The following MILR1 variants were observed in gnomAD, a reference collection of about 807,000 sequenced individuals.
The protein encoded by MILR1 is allergin-1.
Under a neutral mutation model 18.5 loss-of-function variants are expected in MILR1, and 31 were observed. That is an observed-to-expected ratio of 1.68 (90% CI 1.26 to 2.26). The LOEUF (loss-of-function observed/expected upper bound fraction) is 2.26, where lower values mean the gene tolerates loss of function less well. Ranked by LOEUF, MILR1 falls within the 30% of genes most tolerant of loss-of-function variation. The pLI is 0.00. For missense variants in MILR1, 257 were observed against 157.4 expected, an observed-to-expected ratio of 1.63 and a Z score of -3.38; for synonymous variants, 85 against 56.2, an observed-to-expected ratio of 1.51 and a Z score of -2.30.
intron 5 of MILR1, among the ~76,000 whole-genome samples, chr17:64,462,123 G>A (rs1301553246): frequency 6.6e-6 from 1 of 152,136 alleles, no homozygotes; most frequent in South Asian, 2.1e-4. Context: ...TCGTATGACT[G>A]CTTGTGAAAG....
chr17:64,455,347 A>G (rs2037267427), intron 3 of MILR1, among the ~76,000 whole-genome samples: 2 of 152,202 alleles, frequency 1.3e-5, no homozygotes, highest in African/African-American at 4.8e-5. Flanking sequence ...AAGCAATTGT[A>G]CTACTGGGTT....
At chr17:64,456,132 C>T (rs1189205727) in intron 3 of MILR1, among the ~76,000 whole-genome samples, 1 of 152,004 alleles carries the variant, frequency 6.6e-6, no homozygotes, top group African/African-American at 2.4e-5. Flanking sequence ...AGCTGTGTGA[C>T]CTTGGGCAAA....
the MILR1 span, among the ~76,000 whole-genome samples, chr17:64,497,348 T>G: frequency 6.6e-6 from 1 of 152,264 alleles, no homozygotes; most frequent in Non-Finnish European, 1.5e-5. Flanking sequence ...TACTTCAGTA[T>G]TATCCAAATC....
chr17:64,469,515 A>G (rs2037654766), downstream of MILR1, among the ~76,000 whole-genome samples: 1 of 152,164 alleles, frequency 6.6e-6, no homozygotes, highest in Non-Finnish European at 1.5e-5. Flanking sequence ...CTCCTGCCTC[A>G]GCCTCTCAAG....
At chr17:64,464,872 G>A (rs1050336479) in intron 5 of MILR1, among the ~76,000 whole-genome samples, 13 of 149,776 alleles carry the variant, frequency 8.7e-5, no homozygotes, top group Non-Finnish European at 1.2e-4. Flanking sequence ...TGCGGTGAGC[G>A]GAGATTGCAC....
At chr17:64,478,279 G>A in the MILR1 span, among the ~76,000 whole-genome samples, 3 of 151,186 alleles carry the variant, frequency 2.0e-5, no homozygotes, top group African/African-American at 7.4e-5. Context: ...CAGAAGAACC[G>A]CATAATAACC....
downstream of MILR1, among the ~76,000 whole-genome samples, chr17:64,471,842 T>C (rs1027181311): frequency 2.6e-5 from 4 of 152,232 alleles, no homozygotes; most frequent in Non-Finnish European, 5.9e-5. Context: ...AAAGTCCAGA[T>C]GTAGTTCTAA....
chr17:64,496,683 G>T, the MILR1 span: 13 of 1,613,870 alleles, frequency 8.1e-6, no homozygotes, highest in Non-Finnish European at 1.1e-5. Context: ...AAGCCGGGGT[G>T]GCACCCACTC....
At chr17:64,485,882 CAG>C in the MILR1 span, 1 of 1,613,634 alleles carries the variant, frequency 6.2e-7, no homozygotes, top group Non-Finnish European at 8.5e-7. Context: ...CACAGAAAAA[CAG>C]AAGAAAAATA....
the MILR1 span, among the ~76,000 whole-genome samples, chr17:64,480,548 C>G: frequency 2.0e-5 from 3 of 152,208 alleles, no homozygotes; most frequent in African/African-American, 7.2e-5. Flanking sequence ...ATATCATATA[C>G]TTTATAAATC....
At chr17:64,458,112 T>TTTCCTTCCTTCC (rs1216586374) in intron 4 of MILR1, among the ~76,000 whole-genome samples, 2 of 150,834 alleles carry the variant, frequency 1.3e-5, no homozygotes, top group African/African-American at 5.0e-5. Context: ...CTTTCTTTCT[T>TTTCCTTCCTTCC]TTCCTTCCTT....
chr17:64,487,133 A>G, the MILR1 span: 2 of 152,192 alleles, frequency 1.3e-5, no homozygotes, highest in Non-Finnish European at 2.9e-5. Context: ...AGCTTCTGTT[A>G]ATTATTCATG....
the MILR1 span, among the ~76,000 whole-genome samples, chr17:64,478,912 C>T: frequency 6.6e-6 from 1 of 152,008 alleles, no homozygotes; most frequent in Non-Finnish European, 1.5e-5. Context: ...AAGAATGATA[C>T]ATTTTTCTGT....
At chr17:64,459,982 T>G (rs2037386974) in intron 4 of MILR1, among the ~76,000 whole-genome samples, 1 of 133,836 alleles carries the variant, frequency 7.5e-6, no homozygotes, top group Non-Finnish European at 1.6e-5. Flanking sequence ...ATTATTTTTA[T>G]TTTATTTTAT....
intron 3 of MILR1, among the ~76,000 whole-genome samples, chr17:64,456,314 T>TTTTATA (rs1555661446): frequency 1.3e-5 from 2 of 151,284 alleles, no homozygotes; most frequent in African/African-American, 4.9e-5. Context: ...TATTAATGCA[T>TTTTATA]TATATATATA....
chr17:64,459,615 G>C (rs1472922655), intron 4 of MILR1, among the ~76,000 whole-genome samples: 3 of 152,156 alleles, frequency 2.0e-5, no homozygotes, highest in African/African-American at 7.2e-5. Flanking sequence ...TTGGCTATGA[G>C]TCACAGCCCT....
chr17:64,483,912 A>C, the MILR1 span: 1 of 152,162 alleles, frequency 6.6e-6, no homozygotes, highest in Admixed American at 6.6e-5. Flanking sequence ...AAGTTTTGCC[A>C]TGTTGCCCAG....
chr17:64,477,682 A>G, the MILR1 span: 1 of 955,414 alleles, frequency 1.0e-6, no homozygotes. Context: ...ACAATGAAAG[A>G]CATAAAAAAT....
At chr17:64,463,973 A>G (rs1170266614) in intron 5 of MILR1, among the ~76,000 whole-genome samples, 1 of 151,540 alleles carries the variant, frequency 6.6e-6, no homozygotes, top group Non-Finnish European at 1.5e-5. Context: ...ACAGGCGCCC[A>G]CCACCACGCT....
Sources: allele counts gnomAD v4.1 joint callset (sites outside exome capture counted in the v4.1 genomes callset), GRCh38; gene constraint gnomAD v4.1.1; transcripts MANE v1.5; gene names NCBI Gene and HGNC (gene_info 2026-07-23, HGNC 2026-07-21).